The following IL1RAPL1 variants were observed in gnomAD, a reference collection of about 807,000 sequenced individuals.
IL1RAPL1 encodes interleukin-1 receptor accessory protein-like 1.
IL1RAPL1 carries 3 observed loss-of-function variants against 48.4 expected under a neutral mutation model. That is an observed-to-expected ratio of 0.06 (90% CI 0.03 to 0.16). The LOEUF is 0.16. Ranked by LOEUF, IL1RAPL1 falls within the 10% of genes least tolerant of loss-of-function variation. IL1RAPL1 has a pLI of 1.00. For missense variants in IL1RAPL1, 349 were observed against 530.6 expected (o/e 0.66, Z 3.36); for synonymous variants, 185 against 187.7 (o/e 0.99, Z 0.12).
intron 2 of IL1RAPL1, among the ~76,000 whole-genome samples, chrX:29,233,568 G>T (rs2147559506): frequency 9.0e-6 from 1 of 111,238 alleles, no homozygotes; most frequent in South Asian, 3.9e-4. Context: ...GTCAGGTCCT[G>T]TGGTAAGCAG....
chrX:28,900,103 C>T (rs1157525279), intron 2 of IL1RAPL1, among the ~76,000 whole-genome samples: 1 of 112,158 alleles, frequency 8.9e-6, no homozygotes, highest in African/African-American at 3.2e-5. Context: ...GGAACACAGG[C>T]AGTCCTAGTG....
intron 5 of IL1RAPL1, among the ~76,000 whole-genome samples, chrX:29,508,306 G>A (rs1935357781): frequency 9.0e-6 from 1 of 111,320 alleles, no homozygotes; most frequent in Non-Finnish European, 1.9e-5. Flanking sequence ...AGTCTCATGT[G>A]AACTGTTAGG....
chrX:29,802,887 ATG>A (rs1236886431), intron 6 of IL1RAPL1, among the ~76,000 whole-genome samples: 1 of 86,465 alleles, frequency 1.2e-5, no homozygotes, highest in Non-Finnish European at 2.2e-5. Context: ...ATATGTATAT[ATG>A]TATACATATA....
chrX:29,923,294 C>A (rs770254341), intron 8 of IL1RAPL1, among the ~76,000 whole-genome samples: 1 of 112,294 alleles, frequency 8.9e-6, no homozygotes, highest in African/African-American at 3.2e-5. Flanking sequence ...AAATCTTGCT[C>A]GAGAATATCC....
At chrX:29,150,705 C>T (rs185213437) in intron 2 of IL1RAPL1, among the ~76,000 whole-genome samples, 2 of 108,025 alleles carry the variant, frequency 1.9e-5, no homozygotes, top group African/African-American at 3.4e-5. Flanking sequence ...GGGCAGATCA[C>T]GAGGTCAGGA....
chrX:29,950,934 T>A (rs5928857), intron 9 of IL1RAPL1, among the ~76,000 whole-genome samples: 354 of 111,339 alleles, frequency 3.2e-3, no homozygotes, highest in Middle Eastern at 0.014. Flanking sequence ...TGCCTCGGCC[T>A]CCCAAAGTCC....
At chrX:28,903,350 T>G (rs989832578) in intron 2 of IL1RAPL1, among the ~76,000 whole-genome samples, 4 of 110,992 alleles carry the variant, frequency 3.6e-5, no homozygotes, top group Non-Finnish European at 7.5e-5. Flanking sequence ...GAACTACTAC[T>G]GACCTCAAGT....
intron 2 of IL1RAPL1, among the ~76,000 whole-genome samples, chrX:29,223,137 T>G (rs1931013912): frequency 9.0e-6 from 1 of 111,456 alleles, no homozygotes; most frequent in Admixed American, 9.6e-5. Flanking sequence ...TTGATAAGTA[T>G]CCTGAAGTTT....
intron 5 of IL1RAPL1, among the ~76,000 whole-genome samples, chrX:29,516,084 A>G (rs1935442796): frequency 8.9e-6 from 1 of 111,937 alleles, no homozygotes; most frequent in Non-Finnish European, 1.9e-5. Flanking sequence ...CAGTGGATTA[A>G]TTCTACAGTA....
chrX:29,313,534 A>G (rs937829486), intron 3 of IL1RAPL1, among the ~76,000 whole-genome samples: 1 of 111,873 alleles, frequency 8.9e-6, no homozygotes, highest in Non-Finnish European at 1.9e-5. Context: ...AATCTAGTCC[A>G]AGTTTATTTC....
chrX:28,666,697 C>A (rs1006801396), intron 1 of IL1RAPL1, among the ~76,000 whole-genome samples: 2 of 111,723 alleles, frequency 1.8e-5, no homozygotes, highest in Non-Finnish European at 3.8e-5. Flanking sequence ...GTTTAAGGTA[C>A]ATAATTGAAA....
At chrX:29,283,653 T>A (rs182394285) in intron 3 of IL1RAPL1, among the ~76,000 whole-genome samples, 19 of 112,272 alleles carry the variant, frequency 1.7e-4, no homozygotes, top group African/African-American at 4.9e-4. Flanking sequence ...AATGTGTGTA[T>A]GTGCACAGGG....
At chrX:29,681,851 A>G (rs1291155949) in intron 6 of IL1RAPL1, among the ~76,000 whole-genome samples, 1 of 111,284 alleles carries the variant, frequency 9.0e-6, no homozygotes, top group Non-Finnish European at 1.9e-5. Flanking sequence ...AATACCAAAA[A>G]TTGAAGCAGA....
At chrX:28,602,068 G>A (rs1331869737) in intron 1 of IL1RAPL1, among the ~76,000 whole-genome samples, 1 of 100,769 alleles carries the variant, frequency 9.9e-6, no homozygotes, top group African/African-American at 3.7e-5. Context: ...TTGCACCACT[G>A]CACTCCAGCC....
chrX:28,941,953 G>GTCC (rs1224445238), intron 2 of IL1RAPL1: 2 of 109,250 alleles, frequency 1.8e-5, no homozygotes, highest in East Asian at 5.7e-4. Context: ...TAATACTTGA[G>GTCC]TCTGCTAAAT....
chrX:29,736,819 C>T (rs1928060740), intron 6 of IL1RAPL1, among the ~76,000 whole-genome samples: 1 of 111,971 alleles, frequency 8.9e-6, no homozygotes. Flanking sequence ...GCTAAGTAGA[C>T]TGATTATTAT....
At chrX:28,595,255 G>T (rs1933942393) in intron 1 of IL1RAPL1, among the ~76,000 whole-genome samples, 1 of 112,150 alleles carries the variant, frequency 8.9e-6, no homozygotes, top group African/African-American at 3.2e-5. Context: ...TACAGCTGGT[G>T]TGTGTGTGTG....
At chrX:28,801,098 T>A (rs1365374549) in intron 2 of IL1RAPL1, among the ~76,000 whole-genome samples, 2 of 109,792 alleles carry the variant, frequency 1.8e-5, no homozygotes, top group East Asian at 5.8e-4. Flanking sequence ...GCCAGGGTGG[T>A]CTCGAACTCC....
At chrX:29,383,932 A>C (rs191283138) in intron 3 of IL1RAPL1, among the ~76,000 whole-genome samples, 22 of 112,322 alleles carry the variant, frequency 2.0e-4, no homozygotes, top group Admixed American at 3.8e-4. Context: ...TAATCATAGA[A>C]AGGAAGCTGG....
Sources: gnomAD v4.1 joint callset for allele counts (sites outside exome capture counted in the v4.1 genomes callset) on GRCh38, gnomAD v4.1.1 for gene constraint, MANE v1.5 for transcripts, NCBI Gene and HGNC (gene_info 2026-07-23, HGNC 2026-07-21) for gene names.